The following COG5 variants were observed in gnomAD, a reference collection of about 807,000 sequenced individuals.
The protein encoded by COG5 is conserved oligomeric Golgi complex subunit 5.
In COG5, 86 loss-of-function variants were observed where a neutral mutation model predicts 110.4. That is an observed-to-expected ratio of 0.78 (90% confidence interval 0.65 to 0.93). The LOEUF (loss-of-function observed/expected upper bound fraction) is 0.93. Ranked by LOEUF, COG5 falls within the 40% of genes least tolerant of loss-of-function variation. COG5 has a pLI of 0.00. For missense variants in COG5, 1,077 were observed against 987.0 expected (o/e 1.09, Z -1.22); for synonymous variants, 360 against 334.6 (o/e 1.08, Z -0.83).
At position 107,372,698 on chromosome 7, in the gene COG5, A is replaced by G; in HGVS notation, c.732T>C (p.Thr244=). 1 of 1,613,600 alleles carries G rather than the reference A, an allele frequency of 6.2e-7. No individual in the cohort carries two copies. Among genetic ancestry groups the G allele is most frequent in the Non-Finnish European group, 8.5e-7 (1 of 1,179,660 alleles). ...VFYNLGTLKD[T]ITSVVDGYCA... ...AATATCCATCCACAACACTGGTAAT[A>G]GTATCCTTCAAAGTTCCAAGATTAT... Residue 244 remains threonine (T), a synonymous_variant, in exon 8 of 22, where the codon ACT becomes ACC. Coordinates refer to ENST00000297135, the MANE Select transcript of COG5 (RefSeq NM_006348.5).
intron 17 of COG5, 27 bp from the exon 18 acceptor site, chr7:107,236,714 A>G (rs374484991): frequency 1.4e-6 from 2 of 1,429,788 alleles, no homozygotes; most frequent in African/African-American, 2.8e-5. Context: ...AGCCCTTTTC[A>G]GCACCGCTGC....
intron 6 of COG5, among the ~76,000 whole-genome samples, chr7:107,420,263 A>T (rs1356550919): frequency 6.6e-6 from 1 of 152,214 alleles, no homozygotes; most frequent in Non-Finnish European, 1.5e-5. Context: ...CTAACCAAGT[A>T]GGGTTGTATG....
chr7:107,367,793 G>A (rs1813765991), intron 8 of COG5, among the ~76,000 whole-genome samples: 1 of 151,974 alleles, frequency 6.6e-6, no homozygotes, highest in Admixed American at 6.6e-5. Context: ...GGGAGAGTAG[G>A]AGGGATGTGA....
chr7:107,547,150 G>A (rs1376670205), intron 5 of COG5, among the ~76,000 whole-genome samples: 1 of 152,154 alleles, frequency 6.6e-6, no homozygotes, highest in African/African-American at 2.4e-5. Context: ...ATCGAATTCA[G>A]TAGCACATTA....
chr7:107,500,721 G>A (rs949316475), intron 6 of COG5, among the ~76,000 whole-genome samples: 4 of 151,818 alleles, frequency 2.6e-5, no homozygotes, highest in African/African-American at 9.7e-5. Flanking sequence ...TCTTCCTTTG[G>A]GATATGATAT....
chr7:107,503,621 T>C (rs1348027392), intron 6 of COG5, among the ~76,000 whole-genome samples: 3 of 152,224 alleles, frequency 2.0e-5, no homozygotes, highest in Admixed American at 2.0e-4. Context: ...TATTGATTCT[T>C]CCAATCTATG....
At chr7:107,352,454 TATA>T (rs1162589464) in intron 10 of COG5, among the ~76,000 whole-genome samples, 5 of 144,658 alleles carry the variant, frequency 3.5e-5, no homozygotes, top group Non-Finnish European at 7.5e-5. Flanking sequence ...AAACTTAAAG[TATA>T]ATAATAATAA....
chr7:107,509,567 G>A (rs561612883), intron 6 of COG5, among the ~76,000 whole-genome samples: 39 of 152,220 alleles, frequency 2.6e-4, no homozygotes, highest in Middle Eastern at 3.4e-3. Flanking sequence ...GATGCTCCTC[G>A]AGAAGAGCAA....
intron 14 of COG5, among the ~76,000 whole-genome samples, chr7:107,267,403 T>C (rs895720517): frequency 1.3e-5 from 2 of 152,222 alleles, no homozygotes; most frequent in African/African-American, 4.8e-5. Context: ...AGAATTTCTA[T>C]CTACCCATGA....
At chr7:107,558,166 C>A in intron 1 of COG5, 51 bp from the exon 2 acceptor site, 3 of 1,568,354 alleles carry the variant, frequency 1.9e-6, no homozygotes, top group Non-Finnish European at 2.6e-6. Context: ...TGTACTAAAC[C>A]AGTTATTAAA....
intron 10 of COG5, among the ~76,000 whole-genome samples, chr7:107,331,337 G>A (rs1050436877): frequency 1.8e-4 from 28 of 151,900 alleles, no homozygotes; most frequent in South Asian, 2.1e-4. Flanking sequence ...GCGTGGTGGC[G>A]GGTGCCTATA....
chr7:107,450,432 C>T (rs1303748883), intron 6 of COG5: 1 of 152,146 alleles, frequency 6.6e-6, no homozygotes, highest in Non-Finnish European at 1.5e-5. Flanking sequence ...ACAAAAAAAT[C>T]AAGGTAACAG....
At chr7:107,356,733 GA>G (rs750355855) in intron 10 of COG5, among the ~76,000 whole-genome samples, 3 of 152,012 alleles carry the variant, frequency 2.0e-5, no homozygotes, top group Non-Finnish European at 2.9e-5. Context: ...AATATTATAG[GA>G]AGCATATGAT....
At chr7:107,213,618 T>G (rs975929003) in intron 19 of COG5, among the ~76,000 whole-genome samples, 9 of 152,160 alleles carry the variant, frequency 5.9e-5, no homozygotes, top group Admixed American at 3.9e-4. Flanking sequence ...GTAGTCTTGC[T>G]GGAAGGTGAA....
intron 7 of COG5, among the ~76,000 whole-genome samples, chr7:107,408,706 T>C (rs1792049747): frequency 2.0e-5 from 3 of 152,160 alleles, no homozygotes; most frequent in Non-Finnish European, 4.4e-5. Context: ...TCCCTAGCAT[T>C]ATGAGTGCCA....
intron 6 of COG5, among the ~76,000 whole-genome samples, chr7:107,495,875 T>G (rs2520242): frequency 0.27 from 40,378 of 151,930 alleles, 5,495 homozygotes; most frequent in East Asian, 0.33. Context: ...AATCCCAGAC[T>G]AGATGACTTC....
At chr7:107,274,501 C>A (rs917590128) in intron 14 of COG5, among the ~76,000 whole-genome samples, 1 of 152,148 alleles carries the variant, frequency 6.6e-6, no homozygotes, top group Non-Finnish European at 1.5e-5. Context: ...CTCTCCTGTG[C>A]CCCGTCTTCA....
intron 10 of COG5, among the ~76,000 whole-genome samples, chr7:107,350,570 GCT>G: frequency 6.6e-6 from 1 of 152,006 alleles, no homozygotes; most frequent in African/African-American, 2.4e-5. Context: ...TATTTTTTCT[GCT>G]CTCATTCACA....
chr7:107,295,003 CTATATATACACACATA>C (rs1390713627), intron 12 of COG5, among the ~76,000 whole-genome samples: 4 of 84,950 alleles, frequency 4.7e-5, no homozygotes, highest in Non-Finnish European at 9.4e-5. Context: ...ATATACACAT[CTATATATACACACATA>C]TATATATACA....
Sources: gnomAD v4.1 joint callset for allele counts (sites outside exome capture counted in the v4.1 genomes callset) on GRCh38, gnomAD v4.1.1 for gene constraint, MANE v1.5 for transcripts, NCBI Gene and HGNC (gene_info 2026-07-23, HGNC 2026-07-21) for gene names.